The following GLT1D1 variants were observed in gnomAD, a reference collection of about 807,000 sequenced individuals.
GLT1D1 encodes glycosyltransferase 1 domain-containing protein 1.
In GLT1D1, 21 loss-of-function variants were observed where a neutral mutation model predicts 28.7. That is an observed-to-expected ratio of 0.73 (90% CI 0.52 to 1.05). The LOEUF (loss-of-function observed/expected upper bound fraction) is 1.05. Ranked by LOEUF, GLT1D1 falls within the 50% of genes least tolerant of loss-of-function variation. The pLI, the probability that GLT1D1 is intolerant of heterozygous loss-of-function variation, is 0.00. For synonymous variants in GLT1D1, 147 were observed against 124.8 expected, an observed-to-expected ratio of 1.18 and a Z score of -1.19; for missense variants, 343 against 330.6, an observed-to-expected ratio of 1.04 and a Z score of -0.29.
intron 1 of GLT1D1, among the ~76,000 whole-genome samples, chr12:128,869,874 T>C (rs973126996): frequency 1.3e-5 from 2 of 152,084 alleles, no homozygotes; most frequent in Non-Finnish European, 2.9e-5. Flanking sequence ...CCTGATCTAG[T>C]CACTTTGCCT....
intron 2 of GLT1D1, among the ~76,000 whole-genome samples, chr12:128,885,609 C>T (rs573777174): frequency 9.9e-5 from 15 of 152,146 alleles, no homozygotes; most frequent in East Asian, 1.9e-4. Flanking sequence ...CTGTTCTAGG[C>T]GGAGAAGCAG....
intron 1 of GLT1D1, among the ~76,000 whole-genome samples, chr12:128,855,340 T>C (rs921366182): frequency 2.0e-5 from 3 of 151,598 alleles, no homozygotes; most frequent in Non-Finnish European, 4.4e-5. Context: ...GATGGGAGGA[T>C]TGCTTGAGCC....
chr12:128,854,308 G>C (rs1333718303), intron 1 of GLT1D1, among the ~76,000 whole-genome samples: 1 of 152,214 alleles, frequency 6.6e-6, no homozygotes, highest in Non-Finnish European at 1.5e-5. Context: ...CACAGCGGGC[G>C]CTCGGCCTGT....
chr12:128,982,171 A>G (rs1880376457), intron 7 of GLT1D1, among the ~76,000 whole-genome samples: 1 of 151,966 alleles, frequency 6.6e-6, no homozygotes, highest in Non-Finnish European at 1.5e-5. Flanking sequence ...GCGGGAGGAA[A>G]GGCCAGAAAA....
chr12:128,978,696 G>A (rs559493081), intron 7 of GLT1D1, among the ~76,000 whole-genome samples: 2 of 152,272 alleles, frequency 1.3e-5, no homozygotes, highest in East Asian at 1.9e-4. Flanking sequence ...AAGTGAAAGC[G>A]AGTTTATTAG....
At chr12:128,888,281 C>G (rs1029594638) in intron 2 of GLT1D1, among the ~76,000 whole-genome samples, 1 of 152,092 alleles carries the variant, frequency 6.6e-6, no homozygotes, top group African/African-American at 2.4e-5. Flanking sequence ...TTTGGAGAGC[C>G]CTTTTTTTGT....
rs143470917 is a variant in GLT1D1, at chr12:128,957,482, C to T, written c.541-63C>T. The T allele has an allele frequency of 4.2e-4, 472 of 1,116,184 alleles. 3 individuals are homozygous for T. In the African/African-American group the frequency reaches 6.1e-3, roughly 14 times the overall value. The allele number at this position is 1,116,184 out of a possible 1,614,324, so 69.1% of individuals were successfully genotyped here. A position where few individuals can be genotyped will look rare whatever the true frequency, so the allele number is the denominator to read the frequency against. On this transcript the variant is annotated intron_variant, in intron 6 of 7. Transcript: ENST00000281703. The stretch of plus-strand genomic sequence containing the variant: ...GAAGTTATTCTGCCCCGCCCTGACT[C>T]ATCTTGCCGCAGAGGCTCTTGAAAT...
At chr12:128,874,120 C>CTTTCTTTCTTTCTT (rs1555261630) in intron 1 of GLT1D1, among the ~76,000 whole-genome samples, 8 of 52,804 alleles carry the variant, frequency 1.5e-4, no homozygotes, top group African/African-American at 4.4e-4. Flanking sequence ...CTCTCTCTCT[C>CTTTCTTTCTTTCTT]TCTCTCTTTC....
intron 7 of GLT1D1, among the ~76,000 whole-genome samples, chr12:128,961,168 G>A (rs1318105362): frequency 6.6e-6 from 1 of 152,190 alleles, no homozygotes; most frequent in Non-Finnish European, 1.5e-5. Context: ...GAACCAGTAG[G>A]AGACAGATAT....
chr12:128,901,326 G>T (rs1228130532), intron 4 of GLT1D1, among the ~76,000 whole-genome samples: 1 of 151,934 alleles, frequency 6.6e-6, no homozygotes, highest in Non-Finnish European at 1.5e-5. Context: ...TGCCTTGTTG[G>T]CCAGGCCAGT....
intron 7 of GLT1D1, among the ~76,000 whole-genome samples, chr12:128,973,090 A>G (rs1433042042): frequency 6.9e-6 from 1 of 144,756 alleles, no homozygotes; most frequent in Non-Finnish European, 1.5e-5. Context: ...CCAACCTCCT[A>G]CTCTGTTTCT....
chr12:128,970,408 A>G (rs545231716), intron 7 of GLT1D1, among the ~76,000 whole-genome samples: 76 of 152,252 alleles, frequency 5.0e-4, no homozygotes, highest in Non-Finnish European at 8.4e-4. Context: ...GCACTCCCGG[A>G]CCGAGGGGCT....
chr12:128,904,309 G>A (rs2135864970), intron 4 of GLT1D1, among the ~76,000 whole-genome samples: 1 of 151,832 alleles, frequency 6.6e-6, no homozygotes, highest in African/African-American at 2.4e-5. Context: ...TAAACACAGT[G>A]GTACAGGTAA....
At chr12:128,905,463 C>T (rs570954525) in intron 4 of GLT1D1, among the ~76,000 whole-genome samples, 29 of 152,292 alleles carry the variant, frequency 1.9e-4, no homozygotes, top group African/African-American at 5.8e-4. Flanking sequence ...AGTTTGTAAC[C>T]GGTGAGTGAA....
chr12:128,959,076 G>A lies in GLT1D1; in HGVS notation c.639+1433G>A, dbSNP rs541351414. 8.1e-4 allele frequency among the ~76,000 whole-genome samples: 123 copies of A among 151,620 alleles called. 3 individuals carry two copies. In the South Asian group the frequency reaches 0.023, roughly 28 times the overall value. The stretch of plus-strand genomic sequence containing the variant: ...TGGTCTCGAACTCCTGGCCTCAAGC[G>A]ATCCATCTGCTTGGTCTCCTGAAGT... On this transcript the variant is annotated intron_variant, in intron 7 of 7. Coordinates refer to ENST00000281703, the MANE Select transcript of GLT1D1 (RefSeq NM_144669.3).
intron 4 of GLT1D1, among the ~76,000 whole-genome samples, chr12:128,931,560 G>A (rs545610401): frequency 4.6e-5 from 7 of 152,030 alleles, no homozygotes; most frequent in South Asian, 2.1e-4. Flanking sequence ...CGCCTGCCTC[G>A]GCCTCCCAAA....
chr12:128,864,380 G>A (rs1212942922), intron 1 of GLT1D1, among the ~76,000 whole-genome samples: 1 of 152,138 alleles, frequency 6.6e-6, no homozygotes, highest in Non-Finnish European at 1.5e-5. Context: ...TAGGGAAGCC[G>A]AAGAAGAGGA....
intron 7 of GLT1D1, among the ~76,000 whole-genome samples, chr12:128,962,152 G>C (rs1422711815): frequency 4.6e-5 from 7 of 151,902 alleles, no homozygotes; most frequent in African/African-American, 1.7e-4. Context: ...CGGCCTCCTG[G>C]CACTTGTGTC....
chr12:128,906,757 C>A, intron 4 of GLT1D1: 1 of 421,066 alleles, frequency 2.4e-6, no homozygotes, highest in Non-Finnish European at 4.2e-6. Context: ...CTTTGAGTCA[C>A]CCCCTTCTGG....
Sources: gnomAD v4.1 joint callset for allele counts (sites outside exome capture counted in the v4.1 genomes callset) on GRCh38, gnomAD v4.1.1 for gene constraint, MANE v1.5 for transcripts, NCBI Gene and HGNC (gene_info 2026-07-23, HGNC 2026-07-21) for gene names.